Variants in RTN4 observed in about 807,000 individuals in gnomAD.
The protein encoded by RTN4 is reticulon-4.
A neutral mutation model predicts 90.4 loss-of-function variants in RTN4; 32 were observed. The observed-to-expected ratio is 0.35, with a 90% confidence interval of 0.27 to 0.48. RTN4 has a LOEUF of 0.48. Ranked by LOEUF, RTN4 falls within the 20% of genes least tolerant of loss-of-function variation. RTN4 has a pLI of 0.99. For missense variants in RTN4, 1,706 were observed against 1,430.2 expected (o/e 1.19, Z -3.11); for synonymous variants, 629 against 552.5 (o/e 1.14, Z -1.94).
intron 1 of RTN4, among the ~76,000 whole-genome samples, chr2:55,038,628 T>C (rs924582738): frequency 6.6e-6 from 1 of 152,190 alleles, no homozygotes; most frequent in African/African-American, 2.4e-5. Context: ...ATATCAAATG[T>C]TGGTGAAAAC....
chr2:55,049,632 A>T, intron 1 of RTN4, 113 bp downstream of exon 1: 1 of 1,505,004 alleles, frequency 6.6e-7, no homozygotes, highest in Non-Finnish European at 9.0e-7. Context: ...CGAAGTCCGC[A>T]GACAAAGCGC....
intron 1 of RTN4, among the ~76,000 whole-genome samples, chr2:55,092,022 G>A (rs149038045): frequency 0.034 from 5,111 of 152,048 alleles, 264 homozygotes; most frequent in African/African-American, 0.11. Flanking sequence ...TTGAGATTTG[G>A]GTGGGGACAC....
intron 2 of RTN4, among the ~76,000 whole-genome samples, chr2:55,055,985 TTTG>T (rs1248557029): frequency 3.2e-5 from 1 of 31,106 alleles, no homozygotes; most frequent in East Asian, 8.9e-4. Flanking sequence ...CATATATGTG[TTTG>T]TGTGTGTGTG....
intron 1 of RTN4, among the ~76,000 whole-genome samples, chr2:55,047,488 T>C (rs552694202): frequency 4.6e-5 from 7 of 152,002 alleles, no homozygotes; most frequent in Non-Finnish European, 8.8e-5. Flanking sequence ...TTGAGTAGTA[T>C]GGGGGTGAGG....
intron 3 of RTN4, among the ~76,000 whole-genome samples, chr2:54,992,920 A>C (rs1397122198): frequency 2.0e-5 from 3 of 151,758 alleles, no homozygotes; most frequent in Non-Finnish European, 4.4e-5. Flanking sequence ...ATACAAAAAA[A>C]AAAATTAGCC....
In RTN4 at chr2:55,026,264, G is replaced by A. The variant is rs750205453; in HGVS notation, c.1835C>T (p.Pro612Leu). The change falls in exon 3 of 9, where the codon CCT becomes CTT. Residue 612 changes from proline to leucine, a missense_variant. Transcript: ENST00000337526. ...CAATGGTGCTTCCATAACAATGTCAGGCAAAACTGGTGAAGGAGTAGCTTC... is the reference window on the plus strand; with the variant it reads ...CAATGGTGCTTCCATAACAATGTCAAGCAAAACTGGTGAAGGAGTAGCTTC... The part of the protein sequence containing the change: ...ESEATPSPVL[P>L]DIVMEAPLNS... 1.2e-6 allele frequency: 2 copies of A among 1,613,888 alleles called. No individual in the cohort carries two copies. The highest frequency in any genetic ancestry group is 1.7e-6 in the Non-Finnish European group (2 of 1,179,908).
chr2:55,000,389 C>A (rs1679768676), intron 3 of RTN4, among the ~76,000 whole-genome samples: 1 of 152,122 alleles, frequency 6.6e-6, no homozygotes, highest in South Asian at 2.1e-4. Context: ...CTAAATCTTT[C>A]CTGTCTTACT....
intron 1 of RTN4, among the ~76,000 whole-genome samples, chr2:55,033,887 A>G (rs1682503147): frequency 6.6e-6 from 1 of 152,200 alleles, no homozygotes; most frequent in Non-Finnish European, 1.5e-5. Flanking sequence ...TGTTAGAAAC[A>G]TTACAATTCT....
intron 1 of RTN4, chr2:55,048,933 C>G (rs1420904107): frequency 5.4e-6 from 1 of 184,046 alleles, no homozygotes; most frequent in Admixed American, 6.5e-5. Context: ...ACACTAACAG[C>G]AATTCCTCCG....
upstream of RTN4, among the ~76,000 whole-genome samples, chr2:55,051,463 T>A (rs1366818893): frequency 6.6e-6 from 1 of 152,228 alleles, no homozygotes; most frequent in Non-Finnish European, 1.5e-5. Context: ...ATGATCCCCA[T>A]TCCACTTTTT....
intron 3 of RTN4, among the ~76,000 whole-genome samples, chr2:55,019,313 C>G (rs1045913701): frequency 2.6e-5 from 4 of 152,070 alleles, no homozygotes; most frequent in African/African-American, 9.7e-5. Flanking sequence ...CTGGATCAAG[C>G]AAGAATCATC....
chr2:55,049,019 T>A, intron 1 of RTN4: 1 of 798,968 alleles, frequency 1.3e-6, no homozygotes, highest in Non-Finnish European at 1.5e-6. Context: ...TGGCTCGGTT[T>A]AGCTGGTGGG....
the RTN4 span, among the ~76,000 whole-genome samples, chr2:55,132,890 G>GTT: frequency 7.2e-4 from 16 of 22,344 alleles, no homozygotes; most frequent in Admixed American, 3.6e-3. Flanking sequence ...CTCCAGTTTT[G>GTT]TTGTTGTTTT....
the RTN4 span, among the ~76,000 whole-genome samples, chr2:55,136,616 T>C: frequency 1.2e-4 from 19 of 152,242 alleles, no homozygotes; most frequent in Non-Finnish European, 2.4e-4. Flanking sequence ...CACAGACCCA[T>C]ATGGATTCAC....
chr2:55,049,426 T>G, intron 1 of RTN4: 1 of 390,090 alleles, frequency 2.6e-6, no homozygotes, highest in Non-Finnish European at 4.9e-6. Flanking sequence ...CTCTCGGGTA[T>G]ATACCCGGCT....
At chr2:55,054,608 G>A (rs1668157496), upstream of RTN4, among the ~76,000 whole-genome samples, 1 of 152,142 alleles carries the variant, frequency 6.6e-6, no homozygotes. Context: ...GTATACTCTT[G>A]CCTACATATA....
chr2:54,992,285 AT>A (rs1679072439), intron 3 of RTN4, among the ~76,000 whole-genome samples: 2 of 152,238 alleles, frequency 1.3e-5, no homozygotes, highest in African/African-American at 4.8e-5. Flanking sequence ...ATTCCTATGG[AT>A]AAAAACTCAT....
chr2:55,069,902 G>C (rs1235374105), intron 2 of RTN4, among the ~76,000 whole-genome samples: 1 of 152,190 alleles, frequency 6.6e-6, no homozygotes, highest in African/African-American at 2.4e-5. Context: ...TGGAGAAGTA[G>C]GGATGATGAC....
At chr2:55,096,128 C>A (rs1431643303) in intron 1 of RTN4, among the ~76,000 whole-genome samples, 3 of 152,002 alleles carry the variant, frequency 2.0e-5, no homozygotes, top group African/African-American at 7.3e-5. Flanking sequence ...GGAGTTCAAG[C>A]CCAACCTAAC....
Sources: gnomAD v4.1 joint callset for allele counts (sites outside exome capture counted in the v4.1 genomes callset) on GRCh38, gnomAD v4.1.1 for gene constraint, MANE v1.5 for transcripts, NCBI Gene and HGNC (gene_info 2026-07-23, HGNC 2026-07-21) for gene names.